GPR151: variants seen among roughly 807,000 people sequenced by gnomAD.
GPR151 encodes the protein G-protein coupled receptor PGR7.
Under a neutral mutation model 18.2 loss-of-function variants are expected in GPR151, and 16 were observed. The ratio of observed to expected loss-of-function variants is 0.88; its 90% CI spans 0.60 to 1.34. The LOEUF is 1.34. Among genes scored for constraint, GPR151 ranks in the 40% most tolerant of loss-of-function variants. The probability of loss-of-function intolerance (pLI) is 0.00; values close to 1 mark genes in which losing one functional copy is unlikely to be tolerated. For synonymous variants in GPR151, 202 were observed against 191.2 expected, an observed-to-expected ratio of 1.06 and a Z score of -0.47; for missense variants, 509 against 504.3, an observed-to-expected ratio of 1.01 and a Z score of -0.09.
In GPR151 at chr5:146,513,672, C is replaced by T. The variant is rs1768554477; in HGVS notation, c.*1182G>A. 2 of 152,168 alleles carry T rather than the reference C, an allele frequency of 1.3e-5. No homozygotes were observed. Among genetic ancestry groups the T allele is most frequent in the Non-Finnish European group, 2.9e-5 (2 of 68,018 alleles). 9.4% of individuals were successfully genotyped at this position (152,168 alleles called of 1,614,324 possible). On this transcript the variant is annotated 3_prime_UTR_variant, in exon 1 of 1. Coordinates refer to ENST00000311104, the MANE Select transcript of GPR151 (RefSeq NM_194251.3). ...TAAAATGAATGGTTATTGCCTGTTA[C>T]TCAGATTTTACCGTATGTCTGGGTA...
Position 146,513,829 on chromosome 5 carries a change from A to C in GPR151, c.*1025T>G, listed in dbSNP as rs1308958063. 2 of 152,146 alleles carry C rather than the reference A, an allele frequency of 1.3e-5. No individual in the cohort carries two copies. The highest frequency in any genetic ancestry group is 2.9e-5 in the Non-Finnish European group (2 of 68,022). The allele number at this position is 152,146 out of a possible 1,614,324, so 9.4% of individuals were successfully genotyped here. A position where few individuals can be genotyped will look rare whatever the true frequency, so the allele number is the denominator to read the frequency against. On this transcript the variant is annotated 3_prime_UTR_variant, in exon 1 of 1. Transcript: ENST00000311104. Reference sequence around the variant, plus strand: ...CTCAGGTTGCTAGATTATTTTTATAACTTAGCCTATAGTATTTTAAAAGTT... The same window carrying C: ...CTCAGGTTGCTAGATTATTTTTATACCTTAGCCTATAGTATTTTAAAAGTT...
Position 146,513,701 on chromosome 5 carries a change from A to G in GPR151, c.*1153T>C, listed in dbSNP as rs1248479790. ...GATTTTACCGTATGTCTGGGTACAC[A>G]GTTTTACTGCTTTCTGCATTGCCCT... On this transcript the variant is annotated 3_prime_UTR_variant, in exon 1 of 1. Transcript: ENST00000311104. 1.3e-5 allele frequency: 2 copies of G among 152,228 alleles called. No homozygotes were observed. 9.4% of individuals were successfully genotyped at this position (152,228 alleles called of 1,614,324 possible). A position where few individuals can be genotyped will look rare whatever the true frequency, so the allele number is the denominator to read the frequency against.
chr5:146,516,125 G>T lies in GPR151; in HGVS notation c.-12C>A, dbSNP rs376006314. The T allele has an allele frequency of 6.9e-6, 11 of 1,590,092 alleles. No individual in the cohort carries two copies. The highest frequency in any genetic ancestry group is 8.5e-6 in the Non-Finnish European group (10 of 1,169,790). ...GCAGCTGCCAGCATCACTCTTCACA[G>T]CTTCTTACAGAAGTTAGATTCTTAT... On this transcript the variant is annotated 5_prime_UTR_variant, in exon 1 of 1. The change creates a new upstream start codon in the 5' untranslated region. Transcript: ENST00000311104.
rs1768560181 is a variant in GPR151 at position 146,513,964 on chromosome 5, A to G, written c.*890T>C. The G allele has an allele frequency of 6.6e-6, 1 of 152,234 alleles. No homozygotes were observed. The allele number at this position is 152,234 out of a possible 1,614,324, so 9.4% of individuals were successfully genotyped here. On this transcript the variant is annotated 3_prime_UTR_variant, in exon 1 of 1. Coordinates refer to ENST00000311104, the MANE Select transcript of GPR151 (RefSeq NM_194251.3). ...TATTTGAGGAGTAATCTATACCTATATCATTAACCATGGTTTATCTTGGGA... is the reference window on the plus strand; with the variant it reads ...TATTTGAGGAGTAATCTATACCTATGTCATTAACCATGGTTTATCTTGGGA...
rs1258621382 is a variant in GPR151 at position 146,516,162 on chromosome 5, T to C, written c.-49A>G. On this transcript the variant is annotated 5_prime_UTR_variant, in exon 1 of 1. Transcript: ENST00000311104. ...AGTTAGATTCTTATTTAGGTTTGTC[T>C]TTCTGCCTGGGCTCTTTTGCATAGG... The C allele has an allele frequency of 7.2e-6, 11 of 1,532,330 alleles. No homozygotes were observed. The East Asian group carries it at 2.5e-4, about 35-fold the overall frequency. 94.9% of individuals were successfully genotyped at this position (1,532,330 alleles called of 1,614,324 possible). A position where few individuals can be genotyped will look rare whatever the true frequency, so the allele number is the denominator to read the frequency against.
rs2150970692 is a variant in GPR151 at position 146,515,910 on chromosome 5, T to C, written c.204A>G (p.Gly68=). 6.2e-7 allele frequency: 1 copy of C among 1,614,090 alleles called. No homozygotes were observed. Among genetic ancestry groups the C allele is most frequent in the Non-Finnish European group, 8.5e-7 (1 of 1,180,016 alleles). Residue 68 remains glycine, a synonymous_variant, in exon 1 of 1, where the codon GGA becomes GGG. Coordinates refer to ENST00000311104, the MANE Select transcript of GPR151 (RefSeq NM_194251.3). ...IGILLHNAWK[G]KPSMIHSLIL... ...TCAGGGAGTGGATCATGGATGGCTT[T>C]CCTTTCCAAGCATTGTGAAGGAGGA...
Position 146,514,646 on chromosome 5 carries a change from G to T in GPR151, c.*208C>A, listed in dbSNP as rs1768568426. ...TCTTTACACAACACTTAAATTGTTT[G>T]GGAAGCCAAGTTCTAATTCTGAAAC... On this transcript the variant is annotated 3_prime_UTR_variant, in exon 1 of 1. Coordinates refer to ENST00000311104, the MANE Select transcript of GPR151 (RefSeq NM_194251.3). 7.9e-6 allele frequency: 4 copies of T among 505,718 alleles called. No individual in the cohort carries two copies. Among genetic ancestry groups the T allele is most frequent in the Admixed American group, 3.7e-5 (1 of 26,726 alleles). 31.3% of individuals were successfully genotyped at this position (505,718 alleles called of 1,614,324 possible). A position where few individuals can be genotyped will look rare whatever the true frequency, so the allele number is the denominator to read the frequency against.
At position 146,515,082 on chromosome 5, in the gene GPR151, C is replaced by G. The variant is rs1426732245; in HGVS notation, c.1032G>C (p.Glu344Asp). 1.2e-6 allele frequency: 2 copies of G among 1,614,032 alleles called. No individual in the cohort carries two copies. The highest frequency in any genetic ancestry group is 1.7e-6 in the Non-Finnish European group (2 of 1,180,022). The stretch of plus-strand genomic sequence containing the variant: ...GAGATGGAACCTTGTCAGGAAGACC[C>G]TCTGAGTTGCCAGCTGGTGTTTCCT... The part of the protein sequence containing the change: ...ESQETPAGNS[E>D]GLPDKVPSPE... The change falls in exon 1 of 1, where the codon GAG becomes GAC. Residue 344 changes from glutamate (E) to aspartate (D), a missense_variant. Transcript: ENST00000311104.
chr5:146,515,577 C>T lies in GPR151; in HGVS notation c.537G>A (p.Arg179=). 1 of 1,614,122 alleles carries T rather than the reference C, an allele frequency of 6.2e-7. No individual in the cohort carries two copies. The highest frequency in any genetic ancestry group is 1.1e-5 in the South Asian group (1 of 91,054). Residue 179 remains arginine (R), a synonymous_variant, in exon 1 of 1, where the codon AGG becomes AGA. Coordinates refer to ENST00000311104, the MANE Select transcript of GPR151 (RefSeq NM_194251.3). ...GGCACATTTCCACACCTTCATGATG[C>T]CTGATGGTGCTAAAGAACCATTCCG... ...PLPEWFFSTI[R]HHEGVEMCLV...
Position 146,515,081 on chromosome 5 carries a change from C to T in GPR151, c.1033G>A (p.Gly345Ser). ...GGAGATGGAACCTTGTCAGGAAGAC[C>T]CTCTGAGTTGCCAGCTGGTGTTTCC... Reference protein sequence around the residue: ...SQETPAGNSEGLPDKVPSPES... With the variant: ...SQETPAGNSESLPDKVPSPES... Residue 345 changes from glycine to serine, a missense_variant, in exon 1 of 1, where the codon GGT becomes AGT. Physicochemically the swap from Gly to Ser is moderately conservative, Grantham distance 56. Transcript: ENST00000311104. The T allele has an allele frequency of 6.2e-7, 1 of 1,614,138 alleles. No individual in the cohort carries two copies. The highest frequency in any genetic ancestry group is 8.5e-7 in the Non-Finnish European group (1 of 1,180,016).
In GPR151 at chr5:146,513,974, A is replaced by G. The variant is rs1272704038; in HGVS notation, c.*880T>C. On this transcript the variant is annotated 3_prime_UTR_variant, in exon 1 of 1. Coordinates refer to ENST00000311104, the MANE Select transcript of GPR151 (RefSeq NM_194251.3). ...GTAATCTATACCTATATCATTAACCATGGTTTATCTTGGGAGAAAGGAGAT... is the reference window on the plus strand; with the variant it reads ...GTAATCTATACCTATATCATTAACCGTGGTTTATCTTGGGAGAAAGGAGAT... The G allele has an allele frequency of 6.6e-6, 1 of 152,198 alleles. No homozygotes were observed. Among genetic ancestry groups the G allele is most frequent in the African/African-American group, 2.4e-5 (1 of 41,446 alleles). The allele number at this position is 152,198 out of a possible 1,614,324, so 9.4% of individuals were successfully genotyped here. A position where few individuals can be genotyped will look rare whatever the true frequency, so the allele number is the denominator to read the frequency against.
chr5:146,516,055 T>C lies in GPR151; in HGVS notation c.59A>G (p.His20Arg). The change falls in exon 1 of 1, where the codon CAC (histidine) becomes CGC (arginine). Residue 20 changes from histidine (H) to arginine (R), a missense_variant. Transcript: ENST00000311104. ...NSSSMNVSFA[H>R]LHFAGGYLPS... ...CAGGTACCCTCCGGCAAAGTGGAGG[T>C]GAGCAAAGGACACATTCATGCTGCT... 4 of 1,613,844 alleles carry C rather than the reference T, an allele frequency of 2.5e-6. No individual in the cohort carries two copies. The highest frequency in any genetic ancestry group is 3.4e-6 in the Non-Finnish European group (4 of 1,179,976).
In GPR151 at chr5:146,514,670, A is replaced by G; in HGVS notation, c.*184T>C. The G allele has an allele frequency of 1.9e-6, 1 of 526,826 alleles. No individual in the cohort carries two copies. Among genetic ancestry groups the G allele is most frequent in the Non-Finnish European group, 3.3e-6 (1 of 305,702 alleles). The allele number at this position is 526,826 out of a possible 1,614,324, so 32.6% of individuals were successfully genotyped here. On this transcript the variant is annotated 3_prime_UTR_variant, in exon 1 of 1. Transcript: ENST00000311104. ...TGGGAAGCCAAGTTCTAATTCTGAA[A>G]CAATTATTACTTCTAACATGGTTCT...
In GPR151 at chr5:146,514,758, G is replaced by A; in HGVS notation, c.*96C>T. The A allele has an allele frequency of 1.3e-6, 1 of 767,894 alleles. No homozygotes were observed. The allele number at this position is 767,894 out of a possible 1,614,324, so 47.6% of individuals were successfully genotyped here. A position where few individuals can be genotyped will look rare whatever the true frequency, so the allele number is the denominator to read the frequency against. The stretch of plus-strand genomic sequence containing the variant: ...TGAAATATTTTTATAATTCCTAATG[G>A]TAATAATTATATCAGTTTGTAAAGT... On this transcript the variant is annotated 3_prime_UTR_variant, in exon 1 of 1. Transcript: ENST00000311104.
rs780205679 is a variant in GPR151, at chr5:146,514,816, T to C, written c.*38A>G. The C allele has an allele frequency of 4.4e-6, 6 of 1,370,954 alleles. No individual in the cohort carries two copies. In the South Asian group the frequency reaches 7.0e-5, roughly 16 times the overall value. The allele number at this position is 1,370,954 out of a possible 1,614,324, so 84.9% of individuals were successfully genotyped here. On this transcript the variant is annotated 3_prime_UTR_variant, in exon 1 of 1. Transcript: ENST00000311104. ...ATTGATAAGCAGCAGTACAAGTAAATACAATAATCACAGTTTGTTTTGCTT... is the reference window on the plus strand; with the variant it reads ...ATTGATAAGCAGCAGTACAAGTAAACACAATAATCACAGTTTGTTTTGCTT...
Position 146,514,859 on chromosome 5 carries a change from T to C in GPR151, c.1255A>G (p.Lys419Glu). Residue 419 changes from lysine (K) to glutamate (E), a missense_variant, in exon 1 of 1, where the codon AAA becomes GAA. Coordinates refer to ENST00000311104, the MANE Select transcript of GPR151 (RefSeq NM_194251.3). ...HEDQETGEGV[K>E] ...TTTTGCTTTGAAACTTAAATCTATT[T>C]AACACCTTCCCCTGTCTCTTGATCT... 1 of 1,576,416 alleles carries C rather than the reference T, an allele frequency of 6.3e-7. No individual in the cohort carries two copies. The highest frequency in any genetic ancestry group is 8.6e-7 in the Non-Finnish European group (1 of 1,161,934).
In GPR151 at chr5:146,516,122, A is replaced by G. The variant is rs1046196562; in HGVS notation, c.-9T>C. ...AAGGCAGCTGCCAGCATCACTCTTC[A>G]CAGCTTCTTACAGAAGTTAGATTCT... On this transcript the variant is annotated 5_prime_UTR_variant, in exon 1 of 1. Coordinates refer to ENST00000311104, the MANE Select transcript of GPR151 (RefSeq NM_194251.3). 5.0e-6 allele frequency: 8 copies of G among 1,590,604 alleles called. No individual in the cohort carries two copies. The highest frequency in any genetic ancestry group is 6.8e-6 in the Non-Finnish European group (8 of 1,170,040).
At position 146,513,768 on chromosome 5, in the gene GPR151, T is replaced by A. The variant is rs2150970090; in HGVS notation, c.*1086A>T. On this transcript the variant is annotated 3_prime_UTR_variant, in exon 1 of 1. Transcript: ENST00000311104. Reference sequence around the variant, plus strand: ...TATTCTTAACCAAATTCTGTCTTGGTTTGTTGAATTTTCTCTTTTTGATAT... The same window carrying A: ...TATTCTTAACCAAATTCTGTCTTGGATTGTTGAATTTTCTCTTTTTGATAT... 1 of 152,342 alleles carries A rather than the reference T, an allele frequency of 6.6e-6. No homozygotes were observed. The highest frequency in any genetic ancestry group is 6.5e-5 in the Admixed American group (1 of 15,296). 9.4% of individuals were successfully genotyped at this position (152,342 alleles called of 1,614,324 possible).
rs1412638566 is a variant in GPR151, at chr5:146,515,309, C to G, written c.805G>C (p.Ala269Pro). Residue 269 changes from alanine to proline, a missense_variant, in exon 1 of 1, where the codon GCT (alanine) becomes CCT (proline). By Grantham distance (27) the Ala-to-Pro change is conservative. Coordinates refer to ENST00000311104, the MANE Select transcript of GPR151 (RefSeq NM_194251.3). ...SALLWLPEWV[A>P]WLWVWHLKAA... ...TTCAGATGCCATACCCACAGCCAAG[C>G]TACCCATTCGGGGAGCCACAAGAGA... is the stretch of plus-strand genomic sequence containing the variant. 2 of 1,614,194 alleles carry G rather than the reference C, an allele frequency of 1.2e-6. No homozygotes were observed. The highest frequency in any genetic ancestry group is 4.5e-5 in the East Asian group (2 of 44,882).
Sources: allele counts gnomAD v4.1 joint callset, GRCh38; gene constraint gnomAD v4.1.1; transcripts MANE v1.5; gene names NCBI Gene and HGNC (gene_info 2026-07-23, HGNC 2026-07-21).